Variants in BABAM2 observed in about 807,000 individuals in gnomAD.
BABAM2 encodes the protein BRISC and BRCA1-A complex member 2.
A neutral mutation model predicts 54.7 loss-of-function variants in BABAM2; 31 were observed. That is an observed-to-expected ratio of 0.57 (90% CI 0.43 to 0.77). The LOEUF (loss-of-function observed/expected upper bound fraction) is 0.77. Among genes scored for constraint, BABAM2 ranks in the 30% least tolerant of loss-of-function variants. BABAM2 has a pLI of 0.00. For missense variants in BABAM2, 364 were observed against 455.8 expected (o/e 0.80, Z 1.83); for synonymous variants, 167 against 162.9 (o/e 1.03, Z -0.19).
intron 7 of BABAM2, among the ~76,000 whole-genome samples, chr2:28,136,403 C>T (rs770206937): frequency 6.6e-6 from 1 of 152,256 alleles, no homozygotes; most frequent in Non-Finnish European, 1.5e-5. Context: ...GGCTGGTGAG[C>T]CACAGCCCCT....
chr2:28,296,305 T>C (rs1202130897), intron 10 of BABAM2, among the ~76,000 whole-genome samples: 1 of 152,226 alleles, frequency 6.6e-6, no homozygotes, highest in Non-Finnish European at 1.5e-5. Flanking sequence ...TTCGTATTGT[T>C]CCTCTATACT....
intron 7 of BABAM2, among the ~76,000 whole-genome samples, chr2:28,158,010 C>A (rs1672713120): frequency 6.6e-6 from 1 of 152,170 alleles, no homozygotes; most frequent in Non-Finnish European, 1.5e-5. Context: ...GTTATCCAAG[C>A]ATGCAAGCTG....
intron 2 of BABAM2, among the ~76,000 whole-genome samples, chr2:27,914,018 A>G (rs1009438238): frequency 3.9e-5 from 6 of 152,230 alleles, no homozygotes; most frequent in Middle Eastern, 3.2e-3. Flanking sequence ...ATTTCTTATT[A>G]AAAACTTAAT....
chr2:28,282,110 A>T (rs1686408988), intron 10 of BABAM2, among the ~76,000 whole-genome samples: 1 of 152,222 alleles, frequency 6.6e-6, no homozygotes, highest in Non-Finnish European at 1.5e-5. Context: ...AAAGTAGCAG[A>T]TCAATACAGT....
chr2:28,072,462 T>C (rs577964686), intron 6 of BABAM2, among the ~76,000 whole-genome samples: 41 of 152,224 alleles, frequency 2.7e-4, no homozygotes, highest in African/African-American at 9.1e-4. Flanking sequence ...CTTGGCTCAC[T>C]GCAAGCTCCG....
At chr2:28,318,653 C>T (rs1572409208) in intron 11 of BABAM2, among the ~76,000 whole-genome samples, 1 of 152,162 alleles carries the variant, frequency 6.6e-6, no homozygotes, top group Non-Finnish European at 1.5e-5. Flanking sequence ...TTACAAAGGG[C>T]GGGGCTTATT....
intron 7 of BABAM2, among the ~76,000 whole-genome samples, chr2:28,158,514 AT>A (rs1672763570): frequency 6.6e-6 from 1 of 152,250 alleles, no homozygotes; most frequent in South Asian, 2.1e-4. Flanking sequence ...GAGTGGGACT[AT>A]CTGCCACCAT....
At chr2:27,979,400 T>C (rs1022127154) in intron 3 of BABAM2, among the ~76,000 whole-genome samples, 8 of 151,878 alleles carry the variant, frequency 5.3e-5, no homozygotes, top group African/African-American at 1.9e-4. Context: ...TCTTTGCTAT[T>C]GTGAATAGTG....
At chr2:28,298,806 G>A (rs1179762795) in intron 11 of BABAM2, among the ~76,000 whole-genome samples, 1 of 152,096 alleles carries the variant, frequency 6.6e-6, no homozygotes. Context: ...TACTGTTTCT[G>A]TTGGTCTCTA....
chr2:28,190,695 A>AG (rs528375519), intron 7 of BABAM2, among the ~76,000 whole-genome samples: 1,798 of 151,180 alleles, frequency 0.012, 12 homozygotes, highest in Non-Finnish European at 0.016. Flanking sequence ...TCAAAAAACA[A>AG]GGGGGGGGCG....
intron 5 of BABAM2, among the ~76,000 whole-genome samples, chr2:28,026,861 TAGA>T (rs1675782270): frequency 1.3e-5 from 1 of 74,568 alleles, no homozygotes; most frequent in Admixed American, 2.0e-4. Context: ...TTTATATATA[TAGA>T]TATATATATT....
chr2:27,963,389 G>C (rs758981497), intron 3 of BABAM2, among the ~76,000 whole-genome samples: 1 of 145,014 alleles, frequency 6.9e-6, no homozygotes, highest in Non-Finnish European at 1.5e-5. Flanking sequence ...AGAATTGCTT[G>C]AACCTGGGAG....
intron 6 of BABAM2, among the ~76,000 whole-genome samples, chr2:28,125,303 AT>A (rs887674314): frequency 6.6e-6 from 1 of 151,190 alleles, no homozygotes; most frequent in African/African-American, 2.4e-5. Flanking sequence ...TATTATTATT[AT>A]TTTTTTTGAG....
intron 3 of BABAM2, among the ~76,000 whole-genome samples, chr2:27,946,244 A>G (rs1669289213): frequency 6.6e-6 from 1 of 152,124 alleles, no homozygotes; most frequent in African/African-American, 2.4e-5. Flanking sequence ...AATATATGTT[A>G]ATTTTTTTTC....
At chr2:27,998,633 C>A (rs1242798351) in intron 4 of BABAM2, among the ~76,000 whole-genome samples, 1 of 152,068 alleles carries the variant, frequency 6.6e-6, no homozygotes, top group Non-Finnish European at 1.5e-5. Context: ...AGTCCTTTTT[C>A]TTTATTTTTG....
intron 7 of BABAM2, among the ~76,000 whole-genome samples, chr2:28,217,686 T>C (rs1425599155): frequency 1.3e-5 from 2 of 152,242 alleles, no homozygotes; most frequent in Non-Finnish European, 2.9e-5. Context: ...AAAGTTTTTA[T>C]GTCATATCAT....
chr2:28,278,032 G>A (rs1686027142), intron 10 of BABAM2, among the ~76,000 whole-genome samples: 1 of 152,184 alleles, frequency 6.6e-6, no homozygotes, highest in African/African-American at 2.4e-5. Context: ...AGAGAACAGT[G>A]TATTCGTGGG....
At chr2:28,046,993 A>T (rs749393033) in intron 6 of BABAM2, among the ~76,000 whole-genome samples, 25 of 152,008 alleles carry the variant, frequency 1.6e-4, no homozygotes, top group Admixed American at 3.3e-4. Flanking sequence ...CCCTCCCAAA[A>T]TGTTGGGATT....
chr2:27,949,858 G>C (rs1558612102), intron 3 of BABAM2, among the ~76,000 whole-genome samples: 1 of 152,038 alleles, frequency 6.6e-6, no homozygotes, highest in Non-Finnish European at 1.5e-5. Flanking sequence ...TCATTATTCC[G>C]TATTGTTTGT....
Sources: allele counts gnomAD v4.1 joint callset (sites outside exome capture counted in the v4.1 genomes callset), GRCh38; gene constraint gnomAD v4.1.1; transcripts MANE v1.5; gene names NCBI Gene and HGNC (gene_info 2026-07-23, HGNC 2026-07-21).